TBL1X: variants seen among roughly 807,000 people sequenced by gnomAD.
TBL1X encodes F-box-like/WD repeat-containing protein TBL1X.
In TBL1X, 10 loss-of-function variants were observed where a neutral mutation model predicts 50.7. The observed-to-expected ratio is 0.20, with a 90% confidence interval of 0.12 to 0.33. The LOEUF is 0.33. Ranked by LOEUF, TBL1X falls within the 10% of genes least tolerant of loss-of-function variation. The pLI is 1.00. For synonymous variants in TBL1X, 190 were observed against 214.7 expected, an observed-to-expected ratio of 0.88 and a Z score of 1.01; for missense variants, 340 against 504.4, an observed-to-expected ratio of 0.67 and a Z score of 3.12.
At chrX:9,586,350 A>G (rs562987036) in intron 2 of TBL1X, among the ~76,000 whole-genome samples, 182 of 112,652 alleles carry the variant, frequency 1.6e-3, no homozygotes, top group Middle Eastern at 9.3e-3. Flanking sequence ...GCAATTTTGT[A>G]TGAAACTTGT....
chrX:9,696,722 A>G (rs1041462532), intron 11 of TBL1X, among the ~76,000 whole-genome samples: 12 of 112,564 alleles, frequency 1.1e-4, no homozygotes, highest in African/African-American at 3.9e-4. Flanking sequence ...CAAATGCCAC[A>G]AAGATCTCTG....
intron 2 of TBL1X, among the ~76,000 whole-genome samples, chrX:9,626,918 C>G (rs1224236512): frequency 2.7e-5 from 3 of 112,223 alleles, no homozygotes; most frequent in African/African-American, 6.5e-5. Flanking sequence ...AAAAATATTC[C>G]TATTCAGCGG....
chrX:9,676,238 A>G (rs2082993423), intron 5 of TBL1X, among the ~76,000 whole-genome samples: 1 of 112,203 alleles, frequency 8.9e-6, no homozygotes, highest in South Asian at 3.7e-4. Context: ...CTAGTAGCTG[A>G]CTTGCAGCAG....
intron 1 of TBL1X, among the ~76,000 whole-genome samples, chrX:9,479,544 A>G (rs2081868226): frequency 8.9e-6 from 1 of 112,778 alleles, no homozygotes; most frequent in South Asian, 3.6e-4. Context: ...CATGACTCTG[A>G]TCTTTCAAAA....
rs181950021 is a variant in TBL1X, at chrX:9,580,251, C to T, written c.-130-60022C>T. ...TAAGGATGCGCACCCATGACACAAC[C>T]TCAGGAGGTCCTGACGATGTGCCCA... On this transcript the variant is annotated intron_variant, in intron 2 of 17. Coordinates refer to ENST00000645353, the MANE Select transcript of TBL1X (RefSeq NM_005647.4). 3.6e-5 allele frequency among the ~76,000 whole-genome samples: 4 copies of T among 112,276 alleles called. No homozygotes were observed. In the Admixed American group the frequency reaches 3.8e-4, roughly 11 times the overall value.
At chrX:9,627,547 C>T (rs973155817) in intron 2 of TBL1X, among the ~76,000 whole-genome samples, 3 of 112,255 alleles carry the variant, frequency 2.7e-5, no homozygotes, top group Admixed American at 1.9e-4. Flanking sequence ...ATAAATTTCA[C>T]ACCAACTAAA....
intron 1 of TBL1X, among the ~76,000 whole-genome samples, chrX:9,468,153 C>T (rs1048405617): frequency 8.9e-6 from 1 of 112,235 alleles, no homozygotes; most frequent in Admixed American, 9.4e-5. Context: ...GTACTGCTTC[C>T]TTTTCTTGTC....
At chrX:9,631,928 A>G (rs1403252350) in intron 2 of TBL1X, among the ~76,000 whole-genome samples, 4 of 112,415 alleles carry the variant, frequency 3.6e-5, no homozygotes, top group Non-Finnish European at 7.5e-5. Context: ...TTTCTTTGGT[A>G]AAGTCTTTAT....
At chrX:9,508,791 C>T (rs1417793926) in intron 2 of TBL1X, among the ~76,000 whole-genome samples, 1 of 111,518 alleles carries the variant, frequency 9.0e-6, no homozygotes, top group African/African-American at 3.3e-5. Flanking sequence ...TTTGCAGGGA[C>T]ATGGATGAAG....
chrX:9,613,416 C>T (rs191054727), intron 2 of TBL1X, among the ~76,000 whole-genome samples: 3 of 111,549 alleles, frequency 2.7e-5, no homozygotes, highest in African/African-American at 9.8e-5. Context: ...TAAAAATCAA[C>T]ACTTCCTTGG....
intron 1 of TBL1X, among the ~76,000 whole-genome samples, chrX:9,490,480 C>T (rs2081935407): frequency 8.9e-6 from 1 of 112,132 alleles, no homozygotes; most frequent in Non-Finnish European, 1.9e-5. Context: ...CAGCCCCCCT[C>T]AAAGAATTAT....
At chrX:9,630,388 G>C (rs887682567) in intron 2 of TBL1X, among the ~76,000 whole-genome samples, 1 of 111,493 alleles carries the variant, frequency 9.0e-6, no homozygotes, top group African/African-American at 3.3e-5. Context: ...GGTATCTGTG[G>C]GGTATTGGTT....
intron 2 of TBL1X, among the ~76,000 whole-genome samples, chrX:9,576,663 C>G (rs770518132): frequency 1.4e-3 from 134 of 96,544 alleles, no homozygotes; most frequent in African/African-American, 5.0e-3. Context: ...TGTAGAAAAA[C>G]TAGCTCTTTA....
At position 9,626,557 on chromosome X, in the gene TBL1X, A is replaced by T. The variant is rs966346674; in HGVS notation, c.-130-13716A>T. ...TTGTGTCCAAGTGCTTCATCGTGGTAGAAGTGGTTTTTAATGAAACAATAG... is the reference window on the plus strand; with the variant it reads ...TTGTGTCCAAGTGCTTCATCGTGGTTGAAGTGGTTTTTAATGAAACAATAG... On this transcript the variant is annotated intron_variant, in intron 2 of 17. Coordinates refer to ENST00000645353, the MANE Select transcript of TBL1X (RefSeq NM_005647.4). Among the ~76,000 whole-genome samples the T allele has an allele frequency of 4.5e-5, 5 of 112,117 alleles. No individual in the cohort carries two copies. The East Asian group carries it at 1.4e-3, about 31-fold the overall frequency.
At position 9,618,880 on chromosome X, in the gene TBL1X, A is replaced by G. The variant is rs778791246; in HGVS notation, c.-130-21393A>G. On this transcript the variant is annotated intron_variant, in intron 2 of 17. Coordinates refer to ENST00000645353, the MANE Select transcript of TBL1X (RefSeq NM_005647.4). Reference sequence around the variant, plus strand: ...GTTCCACTTCATATTCCTTGGTAATATTGAGACGCTGGTTGTAGTGAAAAT... The same window carrying G: ...GTTCCACTTCATATTCCTTGGTAATGTTGAGACGCTGGTTGTAGTGAAAAT... Among the ~76,000 whole-genome samples the G allele has an allele frequency of 3.6e-5, 4 of 111,733 alleles. No homozygotes were observed. In the East Asian group the frequency reaches 1.1e-3, roughly 31 times the overall value.
At position 9,617,867 on chromosome X, in the gene TBL1X, T is replaced by G. The variant is rs750552555; in HGVS notation, c.-130-22406T>G. Among the ~76,000 whole-genome samples the G allele has an allele frequency of 2.7e-5, 3 of 111,548 alleles. No homozygotes were observed. The South Asian group carries it at 1.1e-3, about 43-fold the overall frequency. ...GGGAACAGTCACATTCTCATGGCAATAAGGTGGGTAGAATGGGCCGCTCAG... is the reference window on the plus strand; with the variant it reads ...GGGAACAGTCACATTCTCATGGCAAGAAGGTGGGTAGAATGGGCCGCTCAG... On this transcript the variant is annotated intron_variant, in intron 2 of 17. Coordinates refer to ENST00000645353, the MANE Select transcript of TBL1X (RefSeq NM_005647.4).
chrX:9,573,703 C>T (rs760383038), intron 2 of TBL1X, among the ~76,000 whole-genome samples: 3 of 112,643 alleles, frequency 2.7e-5, no homozygotes, highest in Non-Finnish European at 5.6e-5. Flanking sequence ...GCTTTGGGGC[C>T]GCAGAGTGGA....
At chrX:9,629,896 G>T (rs1442550257) in intron 2 of TBL1X, among the ~76,000 whole-genome samples, 1 of 110,765 alleles carries the variant, frequency 9.0e-6, no homozygotes, top group Non-Finnish European at 1.9e-5. Context: ...AGCAGGACGG[G>T]GCTCAGTGGG....
At chrX:9,587,436 G>A (rs2082476047) in intron 2 of TBL1X, among the ~76,000 whole-genome samples, 1 of 111,659 alleles carries the variant, frequency 9.0e-6, no homozygotes, top group African/African-American at 3.3e-5. Context: ...TGTGTGTGCC[G>A]AGTTCACATT....
Sources: gnomAD v4.1 joint callset for allele counts (sites outside exome capture counted in the v4.1 genomes callset) on GRCh38, gnomAD v4.1.1 for gene constraint, MANE v1.5 for transcripts, NCBI Gene and HGNC (gene_info 2026-07-23, HGNC 2026-07-21) for gene names.